DAAM1: variants seen among roughly 807,000 people sequenced by gnomAD.
DAAM1 encodes the protein disheveled-associated activator of morphogenesis 1.
A neutral mutation model predicts 130.0 loss-of-function variants in DAAM1; 52 were observed. That is an observed-to-expected ratio of 0.40 (90% CI 0.32 to 0.50). The LOEUF is 0.50. DAAM1 is among the 20% of genes least tolerant of loss of function. The pLI, the probability that DAAM1 is intolerant of heterozygous loss-of-function variation, is 0.61. For missense variants in DAAM1, 1,134 were observed against 1,303.8 expected, an observed-to-expected ratio of 0.87 and a Z score of 2.01; for synonymous variants, 452 against 444.5, an observed-to-expected ratio of 1.02 and a Z score of -0.21.
At chr14:59,234,626 C>G (rs904164044) in intron 1 of DAAM1, among the ~76,000 whole-genome samples, 2 of 152,150 alleles carry the variant, frequency 1.3e-5, no homozygotes, top group African/African-American at 2.4e-5. Flanking sequence ...ATTTCTTTCT[C>G]TTGCCTGATT....
intron 3 of DAAM1, among the ~76,000 whole-genome samples, chr14:59,312,006 A>G (rs1203201308): frequency 6.6e-6 from 1 of 152,148 alleles, no homozygotes; most frequent in Non-Finnish European, 1.5e-5. Context: ...GCCCCTCTCT[A>G]TATATTTATT....
intron 3 of DAAM1, among the ~76,000 whole-genome samples, chr14:59,294,201 A>C (rs1883862606): frequency 1.3e-5 from 2 of 152,230 alleles, no homozygotes; most frequent in South Asian, 4.1e-4. Flanking sequence ...GAAGTTGTGA[A>C]GGCCAATGAG....
intron 1 of DAAM1, among the ~76,000 whole-genome samples, chr14:59,220,048 G>C (rs1477498295): frequency 1.3e-5 from 2 of 152,030 alleles, no homozygotes; most frequent in Non-Finnish European, 2.9e-5. Context: ...GGCATCCATT[G>C]CCTGTCACTG....
chr14:59,319,965 C>A (rs1446542817), intron 4 of DAAM1, among the ~76,000 whole-genome samples: 1 of 152,004 alleles, frequency 6.6e-6, no homozygotes, highest in Non-Finnish European at 1.5e-5. Context: ...ATCCTGATTT[C>A]TAAATGATGT....
In DAAM1 at chr14:59,369,650, C is replaced by G. The variant is rs1294829588; in HGVS notation, c.*791C>G. 3 of 149,076 alleles carry G rather than the reference C, an allele frequency of 2.0e-5. No homozygotes were observed. In the East Asian group the frequency reaches 5.9e-4, roughly 29 times the overall value. 9.2% of individuals were successfully genotyped at this position (149,076 alleles called of 1,614,324 possible). ...TGCTTTTTTTAAAGAACAACATTGC[C>G]AGAGTATGCTTGTTCTAACAATATA... On this transcript the variant is annotated 3_prime_UTR_variant, in exon 25 of 25. Coordinates refer to ENST00000360909, the MANE Select transcript of DAAM1 (RefSeq NM_001270520.2).
intron 1 of DAAM1, among the ~76,000 whole-genome samples, chr14:59,232,126 T>G (rs1889128713): frequency 6.6e-6 from 1 of 152,202 alleles, no homozygotes; most frequent in Non-Finnish European, 1.5e-5. Context: ...AGGTTGGCAC[T>G]TCAGCATATT....
rs771304895 is a variant in DAAM1, at chr14:59,359,378, T to C, written c.2526-19T>C. 1.7e-5 allele frequency: 26 copies of C among 1,546,520 alleles called. 1 individual carries two copies. In the South Asian group the frequency reaches 2.6e-4, roughly 15 times the overall value. On this transcript the variant is annotated intron_variant, in intron 20 of 24. Transcript: ENST00000360909. ...AAAATAATTTGAATGTTTAATACTCTTCCCTTCTTCAATTGTAGAAACATT... is the reference window on the plus strand; with the variant it reads ...AAAATAATTTGAATGTTTAATACTCCTCCCTTCTTCAATTGTAGAAACATT...
intron 1 of DAAM1, among the ~76,000 whole-genome samples, chr14:59,231,216 A>T (rs1419232111): frequency 6.6e-6 from 1 of 152,224 alleles, no homozygotes; most frequent in South Asian, 2.1e-4. Context: ...GCATATATTT[A>T]TGGGGTTCAA....
chr14:59,258,249 G>T lies in DAAM1; in HGVS notation c.-37-5192G>T, dbSNP rs558024631. Among the ~76,000 whole-genome samples, 7 of 152,312 alleles carry T rather than the reference G, an allele frequency of 4.6e-5. No individual in the cohort carries two copies. The South Asian group carries it at 6.2e-4, about 14-fold the overall frequency. Reference sequence around the variant, plus strand: ...GGGCAGCTGTTGTTACTTTTATGATGTATGGGCTTCTCCGCATAAACATCT... The same window carrying T: ...GGGCAGCTGTTGTTACTTTTATGATTTATGGGCTTCTCCGCATAAACATCT... On this transcript the variant is annotated intron_variant, in intron 1 of 24. Transcript: ENST00000360909.
chr14:59,269,453 G>C (rs1594790439), intron 2 of DAAM1, among the ~76,000 whole-genome samples: 1 of 152,246 alleles, frequency 6.6e-6, no homozygotes, highest in East Asian at 1.9e-4. Context: ...CAGTTGTCCA[G>C]CTGCCCCTGT....
chr14:59,207,140 G>GT (rs1213014630), intron 1 of DAAM1, among the ~76,000 whole-genome samples: 5 of 152,140 alleles, frequency 3.3e-5, no homozygotes, highest in African/African-American at 1.2e-4. Flanking sequence ...GTCTGCCTGT[G>GT]TATCTGTCAT....
chr14:59,313,707 G>A (rs117554807), intron 3 of DAAM1, among the ~76,000 whole-genome samples: 2,513 of 152,254 alleles, frequency 0.017, 36 homozygotes, highest in Non-Finnish European at 0.025. Context: ...GGTAAGAGTG[G>A]GGTTTTGCTA....
chr14:59,323,417 G>T (rs966060054), intron 6 of DAAM1, among the ~76,000 whole-genome samples, 192 bp downstream of exon 6: 3 of 152,274 alleles, frequency 2.0e-5, no homozygotes, highest in Admixed American at 6.5e-5. Flanking sequence ...AATAGTTGAT[G>T]AATCTGGGCC....
intron 13 of DAAM1, 68 bp from the exon 14 acceptor site, chr14:59,331,141 G>GA: frequency 6.4e-7 from 1 of 1,564,868 alleles, no homozygotes. Flanking sequence ...CCAAGTTACA[G>GA]ACTCTTAAAT....
At chr14:59,304,706 A>T (rs1349264297) in intron 3 of DAAM1, among the ~76,000 whole-genome samples, 3 of 152,184 alleles carry the variant, frequency 2.0e-5, no homozygotes, top group Non-Finnish European at 4.4e-5. Context: ...TTCTTTTGCC[A>T]AAAATGCTGT....
intron 15 of DAAM1, among the ~76,000 whole-genome samples, chr14:59,338,684 T>C (rs1308493044): frequency 6.6e-6 from 1 of 152,090 alleles, no homozygotes. Context: ...TGTTACACAG[T>C]TCTAGAGTTC....
chr14:59,311,382 A>G (rs1053921082), intron 3 of DAAM1, among the ~76,000 whole-genome samples: 4 of 152,206 alleles, frequency 2.6e-5, no homozygotes, highest in Non-Finnish European at 5.9e-5. Flanking sequence ...AGTGGAGGAC[A>G]GAGACATTCC....
rs149658583 is a variant in DAAM1 at position 59,332,043 on chromosome 14, C to G, written c.1968+123C>G. Reference sequence around the variant, plus strand: ...ATGAATTCTAGGCTGTTGGATCTACCCTGTGCATGTCCGTGTCTCCGTCCA... The same window carrying G: ...ATGAATTCTAGGCTGTTGGATCTACGCTGTGCATGTCCGTGTCTCCGTCCA... On this transcript the variant is annotated intron_variant, in intron 15 of 24. Coordinates refer to ENST00000360909, the MANE Select transcript of DAAM1 (RefSeq NM_001270520.2). 3.9e-4 allele frequency: 306 copies of G among 788,842 alleles called. 1 individual carries two copies. Among genetic ancestry groups the G allele is most frequent in the Middle Eastern group, 2.3e-3 (10 of 4,280 alleles). 48.9% of individuals were successfully genotyped at this position (788,842 alleles called of 1,614,324 possible).
In DAAM1 at chr14:59,331,840, G is replaced by A. The variant is rs139553997; in HGVS notation, c.1888G>A (p.Glu630Lys). 4.6e-4 allele frequency: 744 copies of A among 1,613,956 alleles called. 1 individual carries two copies. Among genetic ancestry groups the A allele is most frequent in the Admixed American group, 6.0e-4 (36 of 59,992 alleles). Residue 630 changes from glutamate (E) to lysine (K), a missense_variant, in exon 15 of 25, where the codon GAA (glutamate) becomes AAA (lysine). Transcript: ENST00000360909. The stretch of plus-strand genomic sequence containing the variant: ...CAAACTGGAAGGAACAGTATGGACC[G>A]AAATTGATGATACAAAAGTCTTCAA... ...ENKLEGTVWT[E>K]IDDTKVFKIL...
Sources: gnomAD v4.1 joint callset for allele counts (sites outside exome capture counted in the v4.1 genomes callset) on GRCh38, gnomAD v4.1.1 for gene constraint, MANE v1.5 for transcripts, NCBI Gene and HGNC (gene_info 2026-07-23, HGNC 2026-07-21) for gene names.